Variants in RICTOR observed in about 807,000 individuals in gnomAD.
RICTOR encodes rapamycin-insensitive companion of mTOR.
RICTOR carries 49 observed loss-of-function variants against 214.9 expected under a neutral mutation model. The ratio of observed to expected loss-of-function variants is 0.23; its 90% confidence interval spans 0.18 to 0.29. The LOEUF (loss-of-function observed/expected upper bound fraction) is 0.29. RICTOR is among the 10% of genes least tolerant of loss of function. RICTOR has a pLI of 1.00. For synonymous variants in RICTOR, 717 were observed against 711.3 expected (o/e 1.01, Z -0.13); for missense variants, 1,625 against 2,047.0 (o/e 0.79, Z 3.98).
At chr5:39,065,267 G>A (rs925379626) in intron 2 of RICTOR, among the ~76,000 whole-genome samples, 2 of 152,144 alleles carry the variant, frequency 1.3e-5, no homozygotes, top group African/African-American at 4.8e-5. Context: ...GAGCTGGGGG[G>A]AAGGAGCCAC....
Position 39,073,083 on chromosome 5 carries a change from T to A in RICTOR, c.97+1028A>T, listed in dbSNP as rs191023995. Among the ~76,000 whole-genome samples the A allele has an allele frequency of 6.6e-4, 100 of 152,346 alleles. 5 individuals carry two copies. In the Middle Eastern group the frequency reaches 0.031, roughly 47 times the overall value. On this transcript the variant is annotated intron_variant, in intron 2 of 37. Transcript: ENST00000357387. Reference sequence around the variant, plus strand: ...TGTAGATAACAGTCATTACGTCAGGTACGACATAGGGTAAAAAACTGATCT... The same window carrying A: ...TGTAGATAACAGTCATTACGTCAGGAACGACATAGGGTAAAAAACTGATCT...
intron 24 of RICTOR, among the ~76,000 whole-genome samples, chr5:38,957,946 A>T (rs1456908607): frequency 2.0e-5 from 3 of 152,198 alleles, no homozygotes; most frequent in African/African-American, 4.8e-5. Flanking sequence ...ATCACAATAA[A>T]GAAAATGTCA....
At chr5:38,989,435 AT>A (rs1483134421) in intron 7 of RICTOR, among the ~76,000 whole-genome samples, 8 of 152,228 alleles carry the variant, frequency 5.3e-5, no homozygotes. Flanking sequence ...CTCAGGACAC[AT>A]GCATGGGCAA....
At chr5:39,040,302 C>T (rs1757068078) in intron 2 of RICTOR, among the ~76,000 whole-genome samples, 1 of 127,824 alleles carries the variant, frequency 7.8e-6, no homozygotes, top group South Asian at 2.5e-4. Flanking sequence ...GAACATCACA[C>T]ACCGGGGCCT....
At chr5:38,993,628 T>C (rs1056733488) in intron 6 of RICTOR, among the ~76,000 whole-genome samples, 2 of 152,096 alleles carry the variant, frequency 1.3e-5, no homozygotes, top group African/African-American at 2.4e-5. Context: ...CTTTAAAATA[T>C]AATAGACATA....
At chr5:38,954,193 C>T (rs913547200) in intron 27 of RICTOR, among the ~76,000 whole-genome samples, 10 of 151,852 alleles carry the variant, frequency 6.6e-5, no homozygotes, top group African/African-American at 2.4e-4. Flanking sequence ...ATTCCTATAA[C>T]TTTATTTCTA....
chr5:39,000,348 A>T (rs1391637306), intron 5 of RICTOR, among the ~76,000 whole-genome samples: 1 of 151,986 alleles, frequency 6.6e-6, no homozygotes, highest in Non-Finnish European at 1.5e-5. Flanking sequence ...CTAAAACCAG[A>T]CAAAGACTTT....
chr5:39,018,986 T>C (rs146901236), intron 3 of RICTOR, among the ~76,000 whole-genome samples: 2 of 152,214 alleles, frequency 1.3e-5, no homozygotes, highest in African/African-American at 4.8e-5. Flanking sequence ...ACAGCCTTAC[T>C]GCTGATAGAA....
At chr5:39,061,869 G>A (rs1159823110) in intron 2 of RICTOR, among the ~76,000 whole-genome samples, 1 of 151,488 alleles carries the variant, frequency 6.6e-6, no homozygotes, top group African/African-American at 2.4e-5. Flanking sequence ...ACATATACTT[G>A]TGTATTCAAA....
At chr5:38,969,608 C>T (rs950810184) in intron 11 of RICTOR, 12 of 151,532 alleles carry the variant, frequency 7.9e-5, no homozygotes, top group Admixed American at 7.9e-4. Flanking sequence ...TCCAGAGCTA[C>T]TATTAGTCCC....
intron 11 of RICTOR, chr5:38,970,273 C>T (rs1750673863): frequency 6.6e-6 from 1 of 152,090 alleles, no homozygotes; most frequent in Admixed American, 6.5e-5. Context: ...TGTATAAGGC[C>T]TATATTAGAG....
At position 39,007,403 on chromosome 5, in the gene RICTOR, GACC is replaced by G. The variant is rs1252057869; in HGVS notation, c.196-3784_196-3782del. Among the ~76,000 whole-genome samples the G allele has an allele frequency of 3.9e-5, 6 of 152,092 alleles. No homozygotes were observed. In the East Asian group the frequency reaches 7.7e-4, roughly 20 times the overall value. On this transcript the variant is annotated intron_variant, in intron 3 of 37. Coordinates refer to ENST00000357387, the MANE Select transcript of RICTOR (RefSeq NM_152756.5). ...TTAGATTAGGCCCACCCACCCATAT[GACC>G]ACATTTTTCTTTAATTATCTTTTTC...
chr5:39,001,781 G>A (rs532944482), intron 5 of RICTOR, among the ~76,000 whole-genome samples: 205 of 152,060 alleles, frequency 1.3e-3, no homozygotes, highest in Admixed American at 2.3e-3. Flanking sequence ...ATCACTCACC[G>A]GGGAACACAA....
At chr5:39,011,156 C>T (rs1754484801) in intron 3 of RICTOR, among the ~76,000 whole-genome samples, 2 of 152,154 alleles carry the variant, frequency 1.3e-5, no homozygotes, top group Admixed American at 6.6e-5. Context: ...GTCTTTAGTG[C>T]CCTGTATCCC....
Position 38,953,484 on chromosome 5 carries a change from G to GC in RICTOR, c.2766_2767insG (p.Leu923AlafsTer38). 6.7e-7 allele frequency: 1 copy of GC among 1,484,406 alleles called. No homozygotes were observed. Among genetic ancestry groups the GC allele is most frequent in the Non-Finnish European group, 9.0e-7 (1 of 1,105,610 alleles). The allele number at this position is 1,484,406 out of a possible 1,614,324, so 92.0% of individuals were successfully genotyped here. ...ACCAAGGCCCAAAGAGATGCTTTCA[G>GC]TTTTTTAATTTCTTCCCACTTATCC... On this transcript the variant is annotated frameshift_variant, in exon 28 of 38. Transcript: ENST00000357387. LOFTEE classifies it high-confidence loss of function.
chr5:38,992,648 G>A (rs1408949445), intron 6 of RICTOR, among the ~76,000 whole-genome samples: 1 of 152,080 alleles, frequency 6.6e-6, no homozygotes, highest in Non-Finnish European at 1.5e-5. Context: ...TCACCAGATT[G>A]TGCTATGAAA....
intron 7 of RICTOR, among the ~76,000 whole-genome samples, chr5:38,984,655 T>C (rs1752012357): frequency 6.6e-6 from 1 of 152,062 alleles, no homozygotes; most frequent in Non-Finnish European, 1.5e-5. Context: ...GTTTTGGTTC[T>C]CTTTTTTTTT....
Position 38,963,023 on chromosome 5 carries a change from C to T in RICTOR, c.1419G>A (p.Leu473=). Residue 473 remains leucine (L), a synonymous_variant, in exon 17 of 38, where the codon TTG becomes TTA. Coordinates refer to ENST00000357387, the MANE Select transcript of RICTOR (RefSeq NM_152756.5). ...TTTCATGGAAGCGTTTTAAACAGTT[C>T]AAGGCTGCACTGGCTCGCCTAATGA... The part of the protein sequence containing the change: ...KEKRLRASAA[L]NCLKRFHEMK... 2 of 1,610,898 alleles carry T rather than the reference C, an allele frequency of 1.2e-6. No individual in the cohort carries two copies. The highest frequency in any genetic ancestry group is 1.7e-6 in the Non-Finnish European group (2 of 1,178,188).
intron 15 of RICTOR, 23 bp from the exon 16 acceptor site, chr5:38,964,915 A>C: frequency 6.9e-7 from 1 of 1,443,976 alleles, no homozygotes; most frequent in Admixed American, 1.7e-5. Context: ...ATAACATTTT[A>C]CATGAGTTTT....
Sources: allele counts gnomAD v4.1 joint callset (sites outside exome capture counted in the v4.1 genomes callset), GRCh38; gene constraint gnomAD v4.1.1; transcripts MANE v1.5; gene names NCBI Gene and HGNC (gene_info 2026-07-23, HGNC 2026-07-21).